SYNPR: variants seen among roughly 807,000 people sequenced by gnomAD.
SYNPR encodes the protein synaptoporin.
Under a neutral mutation model 32.9 loss-of-function variants are expected in SYNPR, and 23 were observed. The ratio of observed to expected loss-of-function variants is 0.70; its 90% CI spans 0.50 to 0.99. SYNPR has a LOEUF of 0.99. SYNPR is among the 50% of genes least tolerant of loss of function. SYNPR has a pLI of 0.00. For synonymous variants in SYNPR, 146 were observed against 135.9 expected, an observed-to-expected ratio of 1.07 and a Z score of -0.52; for missense variants, 318 against 349.3, an observed-to-expected ratio of 0.91 and a Z score of 0.71.
intron 2 of SYNPR, among the ~76,000 whole-genome samples, chr3:63,435,012 A>G (rs886806432): frequency 2.0e-5 from 3 of 152,236 alleles, no homozygotes; most frequent in African/African-American, 7.2e-5. Context: ...CCAGAAGAGT[A>G]GATAATTATA....
At chr3:63,452,854 C>T (rs1296858590) in intron 2 of SYNPR, among the ~76,000 whole-genome samples, 2 of 152,058 alleles carry the variant, frequency 1.3e-5, no homozygotes, top group African/African-American at 2.4e-5. Context: ...CTGGTAAATA[C>T]TGGTAAAATG....
chr3:63,232,641 A>T (rs2086175112), intron 1 of SYNPR, among the ~76,000 whole-genome samples: 2 of 152,192 alleles, frequency 1.3e-5, no homozygotes, highest in African/African-American at 4.8e-5. Context: ...GGCACCTGGA[A>T]TCTAGGCCCA....
intron 2 of SYNPR, among the ~76,000 whole-genome samples, chr3:63,395,370 C>G (rs1326951754): frequency 6.6e-6 from 1 of 152,144 alleles, no homozygotes; most frequent in Non-Finnish European, 1.5e-5. Flanking sequence ...AAGGGTTCCA[C>G]ACATTTTCAG....
At chr3:63,375,487 C>T (rs1260865930) in intron 2 of SYNPR, among the ~76,000 whole-genome samples, 1 of 152,046 alleles carries the variant, frequency 6.6e-6, no homozygotes, top group East Asian at 1.9e-4. Flanking sequence ...AACCAAACAC[C>T]GCATGTTCTC....
At chr3:63,556,458 T>C in intron 3 of SYNPR, 85 bp from the exon 4 acceptor site, 1 of 1,247,790 alleles carries the variant, frequency 8.0e-7, no homozygotes. Flanking sequence ...TCACATCCCA[T>C]TTTGCTTTAG....
chr3:63,390,154 A>G (rs2088112553), intron 2 of SYNPR, among the ~76,000 whole-genome samples: 1 of 152,218 alleles, frequency 6.6e-6, no homozygotes, highest in Admixed American at 6.6e-5. Flanking sequence ...AATTGGGAAC[A>G]AGAAAATCAT....
At chr3:63,441,353 G>A (rs555336395) in intron 2 of SYNPR, among the ~76,000 whole-genome samples, 4 of 152,162 alleles carry the variant, frequency 2.6e-5, no homozygotes, top group Admixed American at 2.6e-4. Context: ...GAGCCAATGA[G>A]AATTACTCAC....
At chr3:63,413,542 A>C (rs1209455064) in intron 2 of SYNPR, among the ~76,000 whole-genome samples, 1 of 152,228 alleles carries the variant, frequency 6.6e-6, no homozygotes, top group Non-Finnish European at 1.5e-5. Context: ...ATTTTCCTTC[A>C]TTAAAATGAG....
At chr3:63,383,231 C>G (rs1668169208) in intron 2 of SYNPR, among the ~76,000 whole-genome samples, 2 of 152,152 alleles carry the variant, frequency 1.3e-5, no homozygotes, top group Non-Finnish European at 2.9e-5. Context: ...CAAACACGTT[C>G]TGAACAAATT....
At chr3:63,223,681 C>T (rs17365919), upstream of SYNPR, among the ~76,000 whole-genome samples, 34,170 of 152,106 alleles carry the variant, frequency 0.22, 4,438 homozygotes, top group Admixed American at 0.32. Context: ...TGACTAGCAT[C>T]GCCATGTTAT....
chr3:63,406,999 T>C (rs928712364), intron 2 of SYNPR, among the ~76,000 whole-genome samples: 4 of 152,210 alleles, frequency 2.6e-5, no homozygotes, highest in African/African-American at 9.6e-5. Flanking sequence ...TATAATACTT[T>C]GAGTTCATGC....
chr3:63,343,946 C>T (rs2087403817), intron 2 of SYNPR, among the ~76,000 whole-genome samples: 1 of 152,204 alleles, frequency 6.6e-6, no homozygotes, highest in South Asian at 2.1e-4. Flanking sequence ...GCTGTAATTG[C>T]AGTTTATAGT....
chr3:63,243,699 G>A (rs1237646524), intron 1 of SYNPR, among the ~76,000 whole-genome samples: 1 of 152,002 alleles, frequency 6.6e-6, no homozygotes, highest in African/African-American at 2.4e-5. Context: ...TGCATTCAGT[G>A]TAACCATGTA....
At chr3:63,523,482 C>T (rs1400073559) in intron 3 of SYNPR, among the ~76,000 whole-genome samples, 1 of 152,110 alleles carries the variant, frequency 6.6e-6, no homozygotes, top group Non-Finnish European at 1.5e-5. Context: ...CACCCCCTAC[C>T]TCATCCCAGG....
intron 2 of SYNPR, among the ~76,000 whole-genome samples, chr3:63,440,544 G>A (rs1700151536): frequency 6.6e-6 from 1 of 152,194 alleles, no homozygotes; most frequent in Non-Finnish European, 1.5e-5. Context: ...GGAGGTGACA[G>A]AAGGGTGGTA....
chr3:63,605,827 T>C (rs1161655900), intron 4 of SYNPR, among the ~76,000 whole-genome samples: 2 of 152,350 alleles, frequency 1.3e-5, no homozygotes, highest in South Asian at 4.1e-4. Context: ...AAGCTACACA[T>C]GCTCTTGGTG....
rs574151727 is a variant in SYNPR, at chr3:63,297,778, A to G, written c.84+19036A>G. Among the ~76,000 whole-genome samples the G allele has an allele frequency of 3.3e-5, 5 of 152,218 alleles. No homozygotes were observed. The East Asian group carries it at 9.7e-4, about 29-fold the overall frequency. On this transcript the variant is annotated intron_variant, in intron 2 of 5. Coordinates refer to ENST00000478300, the MANE Select transcript of SYNPR (RefSeq NM_001130003.2). Reference sequence around the variant, plus strand: ...GTGCTGCTGATTGGCTGGAGATGCAATCATGGGGTGAATGGACCTCATGTG... The same window carrying G: ...GTGCTGCTGATTGGCTGGAGATGCAGTCATGGGGTGAATGGACCTCATGTG...
intron 1 of SYNPR, among the ~76,000 whole-genome samples, chr3:63,247,636 C>T (rs765938147): frequency 9.0e-4 from 137 of 152,172 alleles, no homozygotes; most frequent in African/African-American, 3.0e-3. Context: ...CAAAGGGCTC[C>T]GTCATCCAGC....
intron 2 of SYNPR, among the ~76,000 whole-genome samples, chr3:63,441,976 AG>A (rs1700186474): frequency 6.6e-6 from 1 of 152,224 alleles, no homozygotes; most frequent in Non-Finnish European, 1.5e-5. Context: ...GCTCAGGCGC[AG>A]GCCACATGAC....
Sources: allele counts gnomAD v4.1 joint callset (sites outside exome capture counted in the v4.1 genomes callset), GRCh38; gene constraint gnomAD v4.1.1; transcripts MANE v1.5; gene names NCBI Gene and HGNC (gene_info 2026-07-23, HGNC 2026-07-21).